Variants in SORL1 observed in about 807,000 individuals in gnomAD.
SORL1 encodes the protein sortilin-related receptor.
A neutral mutation model predicts 273.7 loss-of-function variants in SORL1; 127 were observed. That is an observed-to-expected ratio of 0.46 (90% confidence interval 0.40 to 0.54). The LOEUF (loss-of-function observed/expected upper bound fraction) is 0.54. SORL1 is among the 20% of genes least tolerant of loss of function. SORL1 has a pLI of 0.00. For synonymous variants in SORL1, 1,031 were observed against 1,067.4 expected (o/e 0.97, Z 0.66); for missense variants, 2,494 against 2,846.1 (o/e 0.88, Z 2.81).
At chr11:121,560,510 T>G (rs920791684) in intron 21 of SORL1, among the ~76,000 whole-genome samples, 1 of 152,212 alleles carries the variant, frequency 6.6e-6, no homozygotes, top group African/African-American at 2.4e-5. Context: ...CTTTAAGAAT[T>G]TCCCTCTTTA....
At chr11:121,551,474 A>G (rs902221600) in intron 16 of SORL1, among the ~76,000 whole-genome samples, 1 of 152,254 alleles carries the variant, frequency 6.6e-6, no homozygotes. Flanking sequence ...GAGACATGAA[A>G]TTATGATACT....
intron 11 of SORL1, among the ~76,000 whole-genome samples, chr11:121,526,338 TAATACCA>T (rs1203333631): frequency 3.9e-5 from 6 of 152,202 alleles, no homozygotes; most frequent in Non-Finnish European, 5.9e-5. Context: ...GTCTTTTCAC[TAATACCA>T]AATTATCTTA....
chr11:121,594,057 G>A (rs78083645), intron 31 of SORL1, among the ~76,000 whole-genome samples: 1 of 151,792 alleles, frequency 6.6e-6, no homozygotes, highest in East Asian at 1.9e-4. Flanking sequence ...AGTTTTGAAG[G>A]TTTTGTTCCA....
At chr11:121,541,530 A>C (rs1017675696) in intron 12 of SORL1, among the ~76,000 whole-genome samples, 2 of 152,204 alleles carry the variant, frequency 1.3e-5, no homozygotes, top group African/African-American at 4.8e-5. Flanking sequence ...TAATAATCTC[A>C]ATATGAGATG....
intron 11 of SORL1, among the ~76,000 whole-genome samples, chr11:121,524,043 A>G (rs1488630791): frequency 6.6e-6 from 1 of 152,246 alleles, no homozygotes; most frequent in East Asian, 1.9e-4. Flanking sequence ...GATGAGGCTC[A>G]GACACTGTGT....
chr11:121,531,274 A>G (rs984682242), intron 11 of SORL1, among the ~76,000 whole-genome samples: 1 of 152,188 alleles, frequency 6.6e-6, no homozygotes, highest in Non-Finnish European at 1.5e-5. Context: ...CATGCCTGTA[A>G]TCCCAGCTAC....
chr11:121,620,612 C>T (rs1422619959), intron 43 of SORL1, among the ~76,000 whole-genome samples: 1 of 152,072 alleles, frequency 6.6e-6, no homozygotes, highest in African/African-American at 2.4e-5. Context: ...GTTATTTTCC[C>T]CTTGCCCCCC....
At chr11:121,496,600 T>A (rs538717391) in intron 5 of SORL1, among the ~76,000 whole-genome samples, 2 of 152,378 alleles carry the variant, frequency 1.3e-5, no homozygotes, top group Non-Finnish European at 2.9e-5. Context: ...GTACTACTAC[T>A]TTTTGCTCTT....
chr11:121,570,321 G>GGAAGAGCCAACCAGGC, intron 23 of SORL1, 51 bp downstream of exon 23: 1 of 1,439,384 alleles, frequency 6.9e-7, no homozygotes, highest in Non-Finnish European at 9.8e-7. Context: ...CAGAAGCCTG[G>GGAAGAGCCAACCAGGC]TTGGCTCTTC....
rs118173290 is a variant in SORL1 at position 121,515,523 on chromosome 11, A to G, written c.1211+1202A>G. Among the ~76,000 whole-genome samples, 137 of 152,316 alleles carry G rather than the reference A, an allele frequency of 9.0e-4. 1 individual carries two copies. The East Asian group carries it at 0.022, about 24-fold the overall frequency. ...GTGTTTTAGGAGCAGGGAGGAGGCCAGGGTGGCTGGAAGGGCTGCAGAGAG... is the reference window on the plus strand; with the variant it reads ...GTGTTTTAGGAGCAGGGAGGAGGCCGGGGTGGCTGGAAGGGCTGCAGAGAG... On this transcript the variant is annotated intron_variant, in intron 8 of 47. Coordinates refer to ENST00000260197, the MANE Select transcript of SORL1 (RefSeq NM_003105.6).
At chr11:121,536,074 C>T (rs930996639) in intron 12 of SORL1, among the ~76,000 whole-genome samples, 2 of 152,218 alleles carry the variant, frequency 1.3e-5, no homozygotes, top group South Asian at 2.1e-4. Context: ...TCTGTTTCTT[C>T]GCTGCGGTTT....
At chr11:121,474,388 C>A (rs1347045274) in intron 2 of SORL1, among the ~76,000 whole-genome samples, 1 of 152,192 alleles carries the variant, frequency 6.6e-6, no homozygotes, top group Non-Finnish European at 1.5e-5. Flanking sequence ...GAGAACATTG[C>A]TGTAAAGTAC....
rs778089706 is a variant in SORL1 at position 121,550,090 on chromosome 11, T to C, written c.2180+2T>C. ...TTCTACTTACAGGAGAACGAGAGGGTATGTATCACAGAGGTTGCCCTGTCA... is the reference window on the plus strand; with the variant it reads ...TTCTACTTACAGGAGAACGAGAGGGCATGTATCACAGAGGTTGCCCTGTCA... On this transcript the variant is annotated splice_donor_variant, in intron 15 of 47. Transcript: ENST00000260197. LOFTEE classifies it high-confidence loss of function. This position sits in a 1 kb window ranked among gnomAD's most constrained non-coding sequence, Gnocchi z 5.3. The C allele has an allele frequency of 6.2e-7, 1 of 1,612,344 alleles. No individual in the cohort carries two copies. The highest frequency in any genetic ancestry group is 8.5e-7 in the Non-Finnish European group (1 of 1,179,132).
rs899202263 is a variant in SORL1 at position 121,629,748 on chromosome 11, A to G, written c.*185A>G. 37 of 571,432 alleles carry G rather than the reference A, an allele frequency of 6.5e-5. No individual in the cohort carries two copies. The highest frequency in any genetic ancestry group is 3.0e-4 in the Admixed American group (9 of 30,378). 35.4% of individuals were successfully genotyped at this position (571,432 alleles called of 1,614,324 possible). A position where few individuals can be genotyped will look rare whatever the true frequency, so the allele number is the denominator to read the frequency against. ...TAAACTTTGTAGTAATCAACTGTGA[A>G]CTTCAAACCAGGTTGATTTTAGTAA... On this transcript the variant is annotated 3_prime_UTR_variant, in exon 48 of 48. Transcript: ENST00000260197.
chr11:121,585,241 T>C (rs555208691), intron 26 of SORL1, among the ~76,000 whole-genome samples: 1 of 152,288 alleles, frequency 6.6e-6, no homozygotes, highest in South Asian at 2.1e-4. Flanking sequence ...CCCAGCACTT[T>C]AGGAGGCTGA....
intron 1 of SORL1, among the ~76,000 whole-genome samples, chr11:121,462,345 G>A (rs1238459832): frequency 6.6e-6 from 1 of 152,080 alleles, no homozygotes; most frequent in African/African-American, 2.4e-5. Context: ...CCTTAGGTCT[G>A]GGTCCATGTT....
At chr11:121,566,340 C>G (rs776374013) in intron 21 of SORL1, among the ~76,000 whole-genome samples, 38 of 151,766 alleles carry the variant, frequency 2.5e-4, no homozygotes, top group Non-Finnish European at 4.7e-4. Context: ...TTGAGAAGTC[C>G]AAAGACATTC....
chr11:121,516,936 C>T (rs1053090700), intron 8 of SORL1, among the ~76,000 whole-genome samples: 3 of 152,096 alleles, frequency 2.0e-5, no homozygotes, highest in Admixed American at 6.6e-5. Context: ...CCTATAGTCC[C>T]AGCTACTTGG....
chr11:121,596,560 C>T lies in SORL1; in HGVS notation c.4519+788C>T, dbSNP rs527341729. Among the ~76,000 whole-genome samples the T allele has an allele frequency of 1.5e-4, 23 of 152,250 alleles. No individual in the cohort carries two copies. Among genetic ancestry groups the T allele is most frequent in the African/African-American group, 4.6e-4 (19 of 41,546 alleles). On this transcript the variant is annotated intron_variant, in intron 32 of 47. Coordinates refer to ENST00000260197, the MANE Select transcript of SORL1 (RefSeq NM_003105.6). This position sits in a 1 kb window ranked among gnomAD's most constrained non-coding sequence, Gnocchi z 4.3. ...GCCCCCCACCGGCCTGCCTCTCTGA[C>T]GGTTGGGTGCTGCTCTGGCTCGGGG...
Sources: gnomAD v4.1 joint callset for allele counts (sites outside exome capture counted in the v4.1 genomes callset) on GRCh38, gnomAD v4.1.1 for gene constraint, Gnocchi (gnomAD v3.1) non-coding constraint, MANE v1.5 for transcripts, NCBI Gene and HGNC (gene_info 2026-07-23, HGNC 2026-07-21) for gene names.